The following ZFPM2 variants were observed in gnomAD, a reference collection of about 807,000 sequenced individuals.
ZFPM2 encodes the protein zinc finger protein, FOG family member 2, also known as zinc finger protein ZFPM2.
Under a neutral mutation model 98.6 loss-of-function variants are expected in ZFPM2, and 20 were observed. The observed-to-expected ratio is 0.20, with a 90% CI of 0.14 to 0.29. The LOEUF (loss-of-function observed/expected upper bound fraction) is 0.29. Ranked by LOEUF, ZFPM2 falls within the 10% of genes least tolerant of loss-of-function variation. The pLI is 1.00. For synonymous variants in ZFPM2, 518 were observed against 502.7 expected (o/e 1.03, Z -0.41); for missense variants, 1,310 against 1,388.6 (o/e 0.94, Z 0.90).
chr8:105,617,502 C>T (rs1054978105), intron 4 of ZFPM2, among the ~76,000 whole-genome samples: 5 of 152,086 alleles, frequency 3.3e-5, no homozygotes, highest in African/African-American at 1.2e-4. Flanking sequence ...ATTAGGTTCC[C>T]TAAGTGGTTG....
intron 5 of ZFPM2, among the ~76,000 whole-genome samples, chr8:105,640,510 C>A (rs1247825520): frequency 6.6e-6 from 1 of 152,000 alleles, no homozygotes; most frequent in Non-Finnish European, 1.5e-5. Flanking sequence ...TTTAAGCATG[C>A]AATTAGTTAA....
chr8:105,508,999 A>T (rs1813759647), intron 3 of ZFPM2, among the ~76,000 whole-genome samples: 1 of 152,182 alleles, frequency 6.6e-6, no homozygotes, highest in African/African-American at 2.4e-5. Flanking sequence ...TTGAAATCAC[A>T]TTATGCGATA....
At chr8:105,520,639 T>C (rs553638394) in intron 3 of ZFPM2, among the ~76,000 whole-genome samples, 2 of 152,084 alleles carry the variant, frequency 1.3e-5, no homozygotes, top group Admixed American at 1.3e-4. Context: ...AGATGGTTGA[T>C]TGTGATAAGC....
chr8:105,585,325 C>T (rs1487039227), intron 4 of ZFPM2, among the ~76,000 whole-genome samples: 3 of 152,044 alleles, frequency 2.0e-5, no homozygotes, highest in African/African-American at 7.2e-5. Flanking sequence ...TAGTTTTTTT[C>T]TAACCCCTCC....
chr8:105,319,702 C>G (rs1424524376), intron 1 of ZFPM2: 1 of 152,280 alleles, frequency 6.6e-6, no homozygotes, highest in Non-Finnish European at 1.5e-5. Flanking sequence ...GCCCTGGTGG[C>G]GCGCGGAGTC....
Position 105,652,943 on chromosome 8 carries a change from T to G in ZFPM2, c.532+18586T>G, listed in dbSNP as rs371524266. On this transcript the variant is annotated intron_variant, in intron 5 of 7. Coordinates refer to ENST00000407775, the MANE Select transcript of ZFPM2 (RefSeq NM_012082.4). ...GTCTTCAATGTTGCTATGTTTTGAGTGTAGATTTCTAGATTAAATTATGAA... is the reference window on the plus strand; with the variant it reads ...GTCTTCAATGTTGCTATGTTTTGAGGGTAGATTTCTAGATTAAATTATGAA... Among the ~76,000 whole-genome samples the G allele has an allele frequency of 1.9e-4, 29 of 152,232 alleles. 1 individual carries two copies. In the South Asian group the frequency reaches 6.0e-3, roughly 32 times the overall value.
intron 6 of ZFPM2, among the ~76,000 whole-genome samples, chr8:105,790,230 A>G (rs1022774560): frequency 2.6e-5 from 4 of 151,014 alleles, no homozygotes; most frequent in African/African-American, 9.7e-5. Context: ...TCTAACATTT[A>G]AGTCTTTAAT....
At chr8:105,528,332 T>C (rs963690301) in intron 3 of ZFPM2, among the ~76,000 whole-genome samples, 3 of 152,130 alleles carry the variant, frequency 2.0e-5, no homozygotes, top group Admixed American at 6.6e-5. Context: ...GCTTGACCTC[T>C]TTGGGAAGTT....
At chr8:105,557,069 A>C (rs1051656088) in intron 3 of ZFPM2, among the ~76,000 whole-genome samples, 2 of 151,534 alleles carry the variant, frequency 1.3e-5, no homozygotes, top group Admixed American at 6.6e-5. Context: ...TCCTTGATTG[A>C]TTCCCCTCTC....
chr8:105,759,420 C>A (rs1376306056), intron 5 of ZFPM2, among the ~76,000 whole-genome samples: 2 of 152,044 alleles, frequency 1.3e-5, no homozygotes, highest in Non-Finnish European at 2.9e-5. Context: ...TCCACAATAT[C>A]CGCTTCACAG....
At chr8:105,386,795 G>C (rs1190240185) in intron 1 of ZFPM2, among the ~76,000 whole-genome samples, 1 of 152,068 alleles carries the variant, frequency 6.6e-6, no homozygotes, top group African/African-American at 2.4e-5. Context: ...GTTTTGACAG[G>C]GTGCTGATTG....
chr8:105,436,083 A>C (rs1812113494), intron 2 of ZFPM2, among the ~76,000 whole-genome samples: 1 of 152,226 alleles, frequency 6.6e-6, no homozygotes, highest in Non-Finnish European at 1.5e-5. Context: ...ACGAAACTAA[A>C]ATCTAATTTT....
chr8:105,363,639 A>G (rs1407749502), intron 1 of ZFPM2, among the ~76,000 whole-genome samples: 1 of 152,122 alleles, frequency 6.6e-6, no homozygotes, highest in African/African-American at 2.4e-5. Flanking sequence ...CTATTATGGC[A>G]TGCTGTCTCT....
At chr8:105,448,431 A>C (rs1812418074) in intron 3 of ZFPM2, among the ~76,000 whole-genome samples, 1 of 151,990 alleles carries the variant, frequency 6.6e-6, no homozygotes, top group African/African-American at 2.4e-5. Context: ...CTAATTATTC[A>C]ATAAATATTT....
intron 1 of ZFPM2, among the ~76,000 whole-genome samples, chr8:105,345,425 CTTTTTT>C (rs10560485): frequency 1.3e-3 from 124 of 98,340 alleles, no homozygotes; most frequent in East Asian, 5.7e-3. Context: ...TCGTGATGTT[CTTTTTT>C]TTTTTTTTTT....
At chr8:105,565,394 C>G (rs1008376967) in intron 4 of ZFPM2, among the ~76,000 whole-genome samples, 1 of 152,132 alleles carries the variant, frequency 6.6e-6, no homozygotes, top group Non-Finnish European at 1.5e-5. Flanking sequence ...ATAATAGCAG[C>G]AGCAGCATAG....
At chr8:105,346,395 A>T (rs879259271) in intron 1 of ZFPM2, among the ~76,000 whole-genome samples, 25 of 151,680 alleles carry the variant, frequency 1.6e-4, no homozygotes, top group Admixed American at 8.6e-4. Flanking sequence ...AAAAAAAAAA[A>T]AAAATAAATA....
chr8:105,710,685 G>C (rs1471788108), intron 5 of ZFPM2, among the ~76,000 whole-genome samples: 1 of 151,032 alleles, frequency 6.6e-6, no homozygotes, highest in Middle Eastern at 3.2e-3. Context: ...GTGTGTGTGT[G>C]TGTGTGTGTG....
At chr8:105,471,138 G>A (rs1586396505) in intron 3 of ZFPM2, among the ~76,000 whole-genome samples, 1 of 152,168 alleles carries the variant, frequency 6.6e-6, no homozygotes, top group East Asian at 1.9e-4. Flanking sequence ...ACTGCGTTAG[G>A]GATGTTCTCT....
Sources: gnomAD v4.1 joint callset for allele counts (sites outside exome capture counted in the v4.1 genomes callset) on GRCh38, gnomAD v4.1.1 for gene constraint, MANE v1.5 for transcripts, NCBI Gene and HGNC (gene_info 2026-07-23, HGNC 2026-07-21) for gene names.